The following UMODL1 variants were observed in gnomAD, a reference collection of about 807,000 sequenced individuals.
UMODL1 encodes uromodulin-like 1.
UMODL1 carries 128 observed loss-of-function variants against 136.3 expected under a neutral mutation model. The ratio of observed to expected loss-of-function variants is 0.94; its 90% CI spans 0.81 to 1.09. The LOEUF (loss-of-function observed/expected upper bound fraction) is 1.09. UMODL1 is among the 50% of genes least tolerant of loss of function. The probability of loss-of-function intolerance (pLI) is 0.00; values close to 1 mark genes in which losing one functional copy is unlikely to be tolerated. For synonymous variants in UMODL1, 721 were observed against 720.0 expected, an observed-to-expected ratio of 1.00 and a Z score of -0.02; for missense variants, 1,766 against 1,725.6, an observed-to-expected ratio of 1.02 and a Z score of -0.41.
At chr21:42,092,399 T>G (rs971198306) in intron 6 of UMODL1, among the ~76,000 whole-genome samples, 11 of 151,802 alleles carry the variant, frequency 7.2e-5, no homozygotes, top group Non-Finnish European at 1.5e-4. Flanking sequence ...TTTTGTTTTT[T>G]TTTTTAAACC....
intron 13 of UMODL1, among the ~76,000 whole-genome samples, chr21:42,115,527 C>A (rs1454405794): frequency 1.3e-5 from 2 of 152,232 alleles, no homozygotes; most frequent in Non-Finnish European, 2.9e-5. Flanking sequence ...ATGGTGCCTC[C>A]ACATGCTTCA....
intron 5 of UMODL1, 102 bp from the exon 6 acceptor site, chr21:42,090,196 A>G: frequency 6.6e-7 from 1 of 1,526,684 alleles, no homozygotes; most frequent in Non-Finnish European, 8.9e-7. Context: ...ACGTGGCACA[A>G]ATCCGTGGCA....
At chr21:42,092,248 C>G (rs2066500413) in intron 6 of UMODL1, among the ~76,000 whole-genome samples, 1 of 152,138 alleles carries the variant, frequency 6.6e-6, no homozygotes, top group African/African-American at 2.4e-5. Context: ...TATGAACAGG[C>G]TGAGGGAAGG....
chr21:42,132,920 A>G (rs1481701691), intron 21 of UMODL1, among the ~76,000 whole-genome samples: 1 of 152,236 alleles, frequency 6.6e-6, no homozygotes, highest in African/African-American at 2.4e-5. Context: ...CATAGAAGTT[A>G]TTGAATAAGT....
chr21:42,075,517 G>A (rs1441441852), intron 1 of UMODL1, among the ~76,000 whole-genome samples: 1 of 152,232 alleles, frequency 6.6e-6, no homozygotes, highest in Non-Finnish European at 1.5e-5. Context: ...AGTTTGCACT[G>A]TGGAGGGAAC....
chr21:42,069,229 A>ACACACACACAC (rs2066208132), upstream of UMODL1, among the ~76,000 whole-genome samples: 10 of 136,304 alleles, frequency 7.3e-5, no homozygotes, highest in Non-Finnish European at 1.4e-4. Flanking sequence ...CACAGACAGA[A>ACACACACACAC]ACACACACAC....
At chr21:42,126,604 C>T in intron 18 of UMODL1, 114 bp downstream of exon 18, 1 of 1,479,246 alleles carries the variant, frequency 6.8e-7, no homozygotes. Context: ...ATGGAATATA[C>T]AAATGGGTGT....
chr21:42,111,120 AG>A lies in UMODL1; in HGVS notation c.1899+1del. The stretch of plus-strand genomic sequence containing the variant: ...AACACAGGAAAAGGCGTGGAGCAGG[AG>A]GTGCCCAGCACTGCCCCGGGTCTGG... ...RNNTGKGVEQELQGNSIMEPP... is the reference protein window; with the variant it reads ...RNNTGKGVEQXLQGNSIMEPP... On this transcript the variant is annotated frameshift_variant and splice_region_variant, in exon 11 of 23. Coordinates refer to ENST00000408910, the MANE Select transcript of UMODL1 (RefSeq NM_001004416.3). LOFTEE classifies it high-confidence loss of function. 1 of 1,607,774 alleles carries A rather than the reference AG, an allele frequency of 6.2e-7. No homozygotes were observed. The highest frequency in any genetic ancestry group is 1.3e-5 in the African/African-American group (1 of 74,984).
At chr21:42,116,172 C>CAAAAAAAAA (rs56162491) in intron 14 of UMODL1, among the ~76,000 whole-genome samples, 187 bp downstream of exon 14, 28 of 75,042 alleles carry the variant, frequency 3.7e-4, no homozygotes, top group Non-Finnish European at 5.4e-4. Flanking sequence ...CCATCTCCAC[C>CAAAAAAAAA]AAAAAAAAAA....
chr21:42,121,125 C>T lies in UMODL1; in HGVS notation c.2728C>T (p.Pro910Ser). The T allele has an allele frequency of 6.2e-7, 1 of 1,614,030 alleles. No homozygotes were observed. ...TGAAAGGAAGGAGGACGACTGTGTG[C>T]CGGGGACATCCTGTCGAAACACCCT... ...ECERKEDDCV[P>S]GTSCRNTLGS... The change falls in exon 16 of 23, where the codon CCG becomes TCG. Residue 910 changes from proline to serine, a missense_variant. Physicochemically the swap from Pro to Ser is moderately conservative, Grantham distance 74 (BLOSUM62 -1). Coordinates refer to ENST00000408910, the MANE Select transcript of UMODL1 (RefSeq NM_001004416.3).
upstream of UMODL1, among the ~76,000 whole-genome samples, chr21:42,067,481 G>A (rs796848179): frequency 2.0e-5 from 3 of 152,300 alleles, 1 homozygote; most frequent in African/African-American, 7.2e-5. Context: ...TTAGGAAACC[G>A]AGGCACTGAA....
At chr21:42,066,322 G>T (rs374683579), upstream of UMODL1, among the ~76,000 whole-genome samples, 1 of 152,056 alleles carries the variant, frequency 6.6e-6, no homozygotes, top group East Asian at 1.9e-4. Flanking sequence ...TCGCTCTGTC[G>T]CCCAGGCTGG....
Position 42,099,534 on chromosome 21 carries a change from A to C in UMODL1, c.1186+354A>C, listed in dbSNP as rs549920306. Among the ~76,000 whole-genome samples, 238 of 152,302 alleles carry C rather than the reference A, an allele frequency of 1.6e-3. 3 individuals carry two copies. The highest frequency in any genetic ancestry group is 2.2e-3 in the Admixed American group (34 of 15,294). ...CAGAAGGCGGCAGCTCCTGGCAGGC[A>C]GATCCGGACCCTGCCCGCTTACCCA... On this transcript the variant is annotated intron_variant, in intron 7 of 22. Coordinates refer to ENST00000408910, the MANE Select transcript of UMODL1 (RefSeq NM_001004416.3). The surrounding 1 kb of genome is among the most constrained non-coding windows in gnomAD (Gnocchi z 4.1).
At chr21:42,101,295 G>A (rs1446140296) in intron 7 of UMODL1, among the ~76,000 whole-genome samples, 3 of 152,094 alleles carry the variant, frequency 2.0e-5, no homozygotes, top group Non-Finnish European at 2.9e-5. Flanking sequence ...GCGATACGTC[G>A]GGGCCTGAGA....
chr21:42,127,771 C>G lies in UMODL1; in HGVS notation c.3630C>G (p.Ile1210Met). ...TCTTTTCCTTTATCAACGACTCCATCGTCTACCTGCACTGCAAACTCCGCG... is the reference window on the plus strand; with the variant it reads ...TCTTTTCCTTTATCAACGACTCCATGGTCTACCTGCACTGCAAACTCCGCG... ...LRIFSFINDS[I>M]VYLHCKLRVC... Residue 1210 changes from isoleucine (I) to methionine (M), a missense_variant, in exon 20 of 23, where the codon ATC (isoleucine) becomes ATG (methionine). Coordinates refer to ENST00000408910, the MANE Select transcript of UMODL1 (RefSeq NM_001004416.3). 6.2e-7 allele frequency: 1 copy of G among 1,614,214 alleles called. No individual in the cohort carries two copies. The highest frequency in any genetic ancestry group is 8.5e-7 in the Non-Finnish European group (1 of 1,180,040).
Position 42,084,156 on chromosome 21 carries a change from C to G in UMODL1, c.392C>G (p.Ser131Cys). ...CPAEGPEPSTSPCSLDIDCPG... is the reference protein window; with the variant it reads ...CPAEGPEPSTCPCSLDIDCPG... Reference sequence around the variant, plus strand: ...GCAGAGGGGCCTGAACCATCCACCTCCCCCTGCAGCTTGGACATCGACTGT... The same window carrying G: ...GCAGAGGGGCCTGAACCATCCACCTGCCCCTGCAGCTTGGACATCGACTGT... Residue 131 changes from serine to cysteine, a missense_variant, in exon 3 of 23, where the codon TCC (serine) becomes TGC (cysteine). Physicochemically the swap from Ser to Cys is moderately radical, Grantham distance 112 (BLOSUM62 -1). Transcript: ENST00000408910. 1 of 1,614,174 alleles carries G rather than the reference C, an allele frequency of 6.2e-7. No individual in the cohort carries two copies. The highest frequency in any genetic ancestry group is 2.2e-5 in the East Asian group (1 of 44,884).
At position 42,123,401 on chromosome 21, in the gene UMODL1, ACTC is replaced by A. The variant is rs2067006745; in HGVS notation, c.3147+256_3147+258del. ...GCAGGCTTCAGAGTCACGGCTTAAAACTCCTCCCTGCACAGACAGGATGAGAGG... is the reference window on the plus strand; with the variant it reads ...GCAGGCTTCAGAGTCACGGCTTAAAACTCCCTGCACAGACAGGATGAGAGG... On this transcript the variant is annotated intron_variant, in intron 17 of 22. Coordinates refer to ENST00000408910, the MANE Select transcript of UMODL1 (RefSeq NM_001004416.3). The surrounding 1 kb of genome is among the most constrained non-coding windows in gnomAD (Gnocchi z 4.4). 6.6e-6 allele frequency among the ~76,000 whole-genome samples: 1 copy of A among 151,526 alleles called. No homozygotes were observed. Among genetic ancestry groups the A allele is most frequent in the South Asian group, 2.1e-4 (1 of 4,778 alleles).
Position 42,126,962 on chromosome 21 carries a change from G to A in UMODL1, c.3294-44G>A, listed in dbSNP as rs756604396. On this transcript the variant is annotated intron_variant, in intron 18 of 22. Coordinates refer to ENST00000408910, the MANE Select transcript of UMODL1 (RefSeq NM_001004416.3). Reference sequence around the variant, plus strand: ...TGGGAATGGGAGGGGCCACGATAATGCGCCTCCTGAAACATGCCTCCTGCA... The same window carrying A: ...TGGGAATGGGAGGGGCCACGATAATACGCCTCCTGAAACATGCCTCCTGCA... The A allele has an allele frequency of 2.3e-5, 34 of 1,505,096 alleles. No homozygotes were observed. In the Admixed American group the frequency reaches 5.7e-4, roughly 25 times the overall value. The allele number at this position is 1,505,096 out of a possible 1,614,324, so 93.2% of individuals were successfully genotyped here.
At chr21:42,076,572 C>T (rs1227215722) in intron 2 of UMODL1, among the ~76,000 whole-genome samples, 1 of 152,102 alleles carries the variant, frequency 6.6e-6, no homozygotes, top group Admixed American at 6.6e-5. Flanking sequence ...AATGCAGATG[C>T]CTGGGTCTCT....
Sources: allele counts gnomAD v4.1 joint callset (sites outside exome capture counted in the v4.1 genomes callset), GRCh38; gene constraint gnomAD v4.1.1; non-coding constraint Gnocchi (gnomAD v3.1); transcripts MANE v1.5; gene names NCBI Gene and HGNC (gene_info 2026-07-23, HGNC 2026-07-21).